The following TLL2 variants were observed in gnomAD, a reference collection of about 807,000 sequenced individuals.
TLL2 encodes the protein tolloid like 2.
Under a neutral mutation model 123.0 loss-of-function variants are expected in TLL2, and 106 were observed. The observed-to-expected ratio is 0.86, with a 90% CI of 0.74 to 1.01. TLL2 has a LOEUF of 1.01. TLL2 is among the 50% of genes least tolerant of loss of function. The pLI is 0.00. For missense variants in TLL2, 1,332 were observed against 1,336.7 expected, an observed-to-expected ratio of 1.00 and a Z score of 0.06; for synonymous variants, 494 against 516.8, an observed-to-expected ratio of 0.96 and a Z score of 0.60.
intron 1 of TLL2, among the ~76,000 whole-genome samples, chr10:96,502,774 G>A (rs112913158): frequency 5.3e-5 from 8 of 152,272 alleles, no homozygotes; most frequent in African/African-American, 1.2e-4. Context: ...GACTCACATC[G>A]ACTCCAGGCC....
intron 2 of TLL2, among the ~76,000 whole-genome samples, chr10:96,479,239 CATA>C (rs1847288111): frequency 6.6e-6 from 1 of 152,204 alleles, no homozygotes; most frequent in African/African-American, 2.4e-5. Flanking sequence ...TCCTAAAGTA[CATA>C]ATTGCCCCAC....
intron 2 of TLL2, among the ~76,000 whole-genome samples, chr10:96,460,829 C>A (rs571892656): frequency 6.6e-6 from 1 of 152,242 alleles, no homozygotes; most frequent in Admixed American, 6.5e-5. Flanking sequence ...ATAAAAGAGA[C>A]CCCAGAGAAC....
intron 7 of TLL2, among the ~76,000 whole-genome samples, chr10:96,415,882 CT>C (rs373246874): frequency 1.4e-5 from 2 of 147,462 alleles, no homozygotes; most frequent in East Asian, 2.0e-4. Context: ...TTTGTGCAGA[CT>C]TTTTTTTTCT....
intron 9 of TLL2, among the ~76,000 whole-genome samples, chr10:96,406,277 C>A (rs954417538): frequency 1.3e-5 from 2 of 152,134 alleles, no homozygotes; most frequent in Non-Finnish European, 1.5e-5. Context: ...CACCCCCACG[C>A]AAGTTCCACT....
At chr10:96,476,855 G>GTT (rs1564915191) in intron 2 of TLL2, among the ~76,000 whole-genome samples, 1 of 65,260 alleles carries the variant, frequency 1.5e-5, no homozygotes, top group East Asian at 6.5e-4. Context: ...TCCCTTTTAT[G>GTT]TTACACACAC....
chr10:96,429,022 T>A (rs1397757221), intron 4 of TLL2, among the ~76,000 whole-genome samples: 3 of 152,118 alleles, frequency 2.0e-5, no homozygotes, highest in African/African-American at 7.2e-5. Context: ...CAGGCTAGTC[T>A]TGACTCCTGA....
chr10:96,448,354 T>A (rs1406364425), intron 2 of TLL2, among the ~76,000 whole-genome samples: 1 of 152,226 alleles, frequency 6.6e-6, no homozygotes, highest in Non-Finnish European at 1.5e-5. Context: ...CAGACAAATG[T>A]ACCACCTGTG....
intron 17 of TLL2, 21 bp downstream of exon 17, chr10:96,378,946 C>T (rs1413805564): frequency 1.2e-6 from 2 of 1,612,800 alleles, no homozygotes; most frequent in South Asian, 1.1e-5. Context: ...GCCCCCCCAA[C>T]AACTGGAGGT....
At chr10:96,491,174 A>C (rs577151273) in intron 1 of TLL2, among the ~76,000 whole-genome samples, 1 of 152,136 alleles carries the variant, frequency 6.6e-6, no homozygotes, top group African/African-American at 2.4e-5. Flanking sequence ...TGAGGTTAGG[A>C]GTTCAAGACC....
chr10:96,449,654 C>G lies in TLL2; in HGVS notation c.287-3486G>C, dbSNP rs143131065. On this transcript the variant is annotated intron_variant, in intron 2 of 20. Coordinates refer to ENST00000357947, the MANE Select transcript of TLL2 (RefSeq NM_012465.4). ...CCTTGGGATAGATTCCACCTCCTAA[C>G]ACCACTGATGAGACCCTTAGTGATA... 3.7e-4 allele frequency among the ~76,000 whole-genome samples: 57 copies of G among 152,218 alleles called. No individual in the cohort carries two copies. In the East Asian group the frequency reaches 8.1e-3, roughly 22 times the overall value.
chr10:96,415,721 C>T, intron 7 of TLL2, among the ~76,000 whole-genome samples: 1 of 23,080 alleles, frequency 4.3e-5, no homozygotes, highest in Non-Finnish European at 7.4e-5. Flanking sequence ...TGCATGCTCT[C>T]TCTCTCTGTC....
At chr10:96,374,189 G>GATAC in intron 18 of TLL2, 1 of 236,328 alleles carries the variant, frequency 4.2e-6, no homozygotes, top group Non-Finnish European at 8.3e-6. Flanking sequence ...CTCTCACTTA[G>GATAC]GGCTAAGAGC....
intron 13 of TLL2, among the ~76,000 whole-genome samples, chr10:96,391,850 C>G (rs943223479): frequency 6.6e-6 from 1 of 152,200 alleles, no homozygotes; most frequent in African/African-American, 2.4e-5. Context: ...AAAAGTCAAG[C>G]TGGGTCTGTG....
At chr10:96,429,356 A>G (rs566252287) in intron 4 of TLL2, among the ~76,000 whole-genome samples, 2 of 93,580 alleles carry the variant, frequency 2.1e-5, no homozygotes, top group East Asian at 7.1e-4. Context: ...TGTCAATTAA[A>G]TATTTTCAAA....
At chr10:96,410,550 G>A (rs751409282) in intron 8 of TLL2, 76 bp from the exon 9 acceptor site, 36 of 1,155,914 alleles carry the variant, frequency 3.1e-5, no homozygotes, top group Admixed American at 5.6e-5. Flanking sequence ...ACGGGGCAGC[G>A]GAGCAAACAT....
At chr10:96,481,700 GA>G (rs1847313443) in intron 1 of TLL2, among the ~76,000 whole-genome samples, 1 of 152,186 alleles carries the variant, frequency 6.6e-6, no homozygotes, top group African/African-American at 2.4e-5. Flanking sequence ...CATGGACTAA[GA>G]ATGCTGATAG....
chr10:96,375,765 C>T (rs1224671570), intron 18 of TLL2, among the ~76,000 whole-genome samples: 1 of 152,200 alleles, frequency 6.6e-6, no homozygotes, highest in Non-Finnish European at 1.5e-5. Flanking sequence ...AGTCCCTGCG[C>T]CATAGTCCAT....
intron 18 of TLL2, chr10:96,374,140 C>T (rs1458611049): frequency 1.0e-5 from 3 of 300,374 alleles, no homozygotes; most frequent in African/African-American, 2.2e-5. Flanking sequence ...CTTTACACAG[C>T]CCAAATCTGT....
chr10:96,384,447 C>T lies in TLL2; in HGVS notation c.2194+140G>A, dbSNP rs1401420017. ...ATATATAAAAGCCCTGGATCTGGCA[C>T]GCCCCCTCCAAGGCAGCCATACCTG... On this transcript the variant is annotated intron_variant, in intron 16 of 20. Coordinates refer to ENST00000357947, the MANE Select transcript of TLL2 (RefSeq NM_012465.4). The T allele has an allele frequency of 1.1e-5, 9 of 795,932 alleles. No individual in the cohort carries two copies. In the South Asian group the frequency reaches 1.2e-4, roughly 10 times the overall value. 49.3% of individuals were successfully genotyped at this position (795,932 alleles called of 1,614,324 possible).
Sources: allele counts gnomAD v4.1 joint callset (sites outside exome capture counted in the v4.1 genomes callset), GRCh38; gene constraint gnomAD v4.1.1; transcripts MANE v1.5; gene names NCBI Gene and HGNC (gene_info 2026-07-23, HGNC 2026-07-21).